The following MEAF6 variants were observed in gnomAD, a reference collection of about 807,000 sequenced individuals.
MEAF6 encodes the protein chromatin modification-related protein MEAF6.
Under a neutral mutation model 28.9 loss-of-function variants are expected in MEAF6, and 15 were observed. That is an observed-to-expected ratio of 0.52 (90% CI 0.35 to 0.80). The LOEUF (loss-of-function observed/expected upper bound fraction) is 0.80. Ranked by LOEUF, MEAF6 falls within the 30% of genes least tolerant of loss-of-function variation. The probability of loss-of-function intolerance (pLI) is 0.01; values close to 1 mark genes in which losing one functional copy is unlikely to be tolerated. For synonymous variants in MEAF6, 97 were observed against 88.7 expected (o/e 1.09, Z -0.53); for missense variants, 178 against 237.5 (o/e 0.75, Z 1.65).
intron 4 of MEAF6, among the ~76,000 whole-genome samples, chr1:37,505,383 G>A (rs1480864198): frequency 1.3e-5 from 2 of 152,158 alleles, no homozygotes; most frequent in Admixed American, 6.5e-5. Flanking sequence ...TCTAGAGCAA[G>A]CATGTCCCAC....
At chr1:37,509,937 T>A (rs1282372210) in intron 2 of MEAF6, among the ~76,000 whole-genome samples, 1 of 151,422 alleles carries the variant, frequency 6.6e-6, no homozygotes, top group South Asian at 2.1e-4. Context: ...CCACCATACC[T>A]GGCAAATTTT....
In MEAF6 at chr1:37,492,237, C is replaced by A. The variant is rs963386393; in HGVS notation, c.*1862G>T. ...TAGAGATGGGGTTTCACTGTGTTCG[C>A]CAGGATGGTCTCGATCTCCTGACCT... On this transcript the variant is annotated 3_prime_UTR_variant, in exon 7 of 7. Transcript: ENST00000296214. 3.9e-5 allele frequency among the ~76,000 whole-genome samples: 6 copies of A among 151,976 alleles called. No homozygotes were observed. The highest frequency in any genetic ancestry group is 7.4e-5 in the Non-Finnish European group (5 of 68,002).
intron 5 of MEAF6, chr1:37,496,691 T>C (rs754745960): frequency 1.3e-6 from 2 of 1,593,416 alleles, no homozygotes; most frequent in Non-Finnish European, 1.7e-6. Context: ...CAAATACTAA[T>C]TCAAATCAAA....
chr1:37,501,752 C>T (rs765397196), intron 5 of MEAF6, 52 bp downstream of exon 5: 1 of 1,431,930 alleles, frequency 7.0e-7, no homozygotes, highest in African/African-American at 1.4e-5. Context: ...TAGGCAATTC[C>T]CTTCACAGCA....
chr1:37,501,700 G>C (rs1021200688), intron 5 of MEAF6, 104 bp downstream of exon 5: 19 of 1,168,860 alleles, frequency 1.6e-5, no homozygotes, highest in Non-Finnish European at 2.1e-5. Context: ...CTTGCCATCA[G>C]CAACAGAAAG....
At chr1:37,496,670 T>C in intron 5 of MEAF6, 1 of 1,575,570 alleles carries the variant, frequency 6.3e-7, no homozygotes, top group Non-Finnish European at 8.7e-7. Flanking sequence ...GTCTACACAC[T>C]AAACACAGCA....
intron 1 of MEAF6, chr1:37,513,848 G>A (rs1284799936): frequency 1.3e-5 from 6 of 444,508 alleles, no homozygotes; most frequent in Non-Finnish European, 2.0e-5. Flanking sequence ...GCAGAACTTG[G>A]GCGATGTCCA....
chr1:37,511,489 A>G (rs1170776561), intron 2 of MEAF6, among the ~76,000 whole-genome samples: 1 of 152,230 alleles, frequency 6.6e-6, no homozygotes, highest in Non-Finnish European at 1.5e-5. Flanking sequence ...GTATATTCAT[A>G]ATGTCTCAAA....
At chr1:37,508,668 TTTTAAC>T (rs751621090) in intron 4 of MEAF6, among the ~76,000 whole-genome samples, 90 of 152,242 alleles carry the variant, frequency 5.9e-4, no homozygotes, top group Non-Finnish European at 1.1e-3. Context: ...AAAGTTATTG[TTTTAAC>T]TTTAATTCCC....
intron 4 of MEAF6, among the ~76,000 whole-genome samples, chr1:37,502,974 C>T (rs1642364187): frequency 6.6e-6 from 1 of 151,686 alleles, no homozygotes; most frequent in South Asian, 2.1e-4. Flanking sequence ...ACTCTGTCAC[C>T]CAGGCTAGAG....
At chr1:37,498,266 G>A (rs1201909622) in intron 5 of MEAF6, among the ~76,000 whole-genome samples, 2 of 151,880 alleles carry the variant, frequency 1.3e-5, no homozygotes, top group African/African-American at 4.8e-5. Flanking sequence ...ATGAAACTAG[G>A]AATTATCAAA....
At chr1:37,497,749 G>A (rs901966784) in intron 5 of MEAF6, among the ~76,000 whole-genome samples, 2 of 151,984 alleles carry the variant, frequency 1.3e-5, no homozygotes, top group Non-Finnish European at 2.9e-5. Flanking sequence ...CTGCCACTAG[G>A]TCCAGCTAAT....
intron 5 of MEAF6, chr1:37,496,754 A>G: frequency 1.3e-6 from 2 of 1,593,850 alleles, no homozygotes; most frequent in Non-Finnish European, 1.7e-6. Context: ...GCAGCATTTG[A>G]AAGGAAGAAA....
intron 2 of MEAF6, among the ~76,000 whole-genome samples, chr1:37,510,295 C>G (rs1326553640): frequency 6.6e-6 from 1 of 150,754 alleles, no homozygotes; most frequent in African/African-American, 2.4e-5. Context: ...ATTGGCCTGG[C>G]TGGTCTCGAA....
chr1:37,496,561 T>C (rs1642133951), intron 5 of MEAF6: 1 of 1,424,076 alleles, frequency 7.0e-7, no homozygotes, highest in Non-Finnish European at 9.3e-7. Flanking sequence ...ATCACGTTTT[T>C]CTGTTTTTAA....
intron 5 of MEAF6, chr1:37,496,566 T>G: frequency 5.6e-6 from 8 of 1,431,396 alleles, no homozygotes; most frequent in Non-Finnish European, 5.5e-6. Context: ...GTTTTTCTGT[T>G]TTTAAAAAAA....
At chr1:37,496,117 T>A (rs1442902028) in intron 5 of MEAF6, among the ~76,000 whole-genome samples, 199 bp from the exon 6 acceptor site, 1 of 152,246 alleles carries the variant, frequency 6.6e-6, no homozygotes, top group African/African-American at 2.4e-5. Context: ...CACACATTTT[T>A]GCCCTAAGGC....
intron 4 of MEAF6, among the ~76,000 whole-genome samples, chr1:37,505,536 T>C (rs774505480): frequency 2.0e-5 from 3 of 152,258 alleles, no homozygotes; most frequent in Non-Finnish European, 4.4e-5. Flanking sequence ...ATATTTTATG[T>C]GTGGCCCTAG....
In MEAF6 at chr1:37,494,045, C is replaced by G; in HGVS notation, c.*54G>C. ...TGAAGGATGTTTATCTTTGTGAGGTCAGAGAAGGGAAGCAGGGCTCTACAG... is the reference window on the plus strand; with the variant it reads ...TGAAGGATGTTTATCTTTGTGAGGTGAGAGAAGGGAAGCAGGGCTCTACAG... On this transcript the variant is annotated 3_prime_UTR_variant, in exon 7 of 7. Transcript: ENST00000296214. The G allele has an allele frequency of 6.2e-7, 1 of 1,603,006 alleles. No individual in the cohort carries two copies. Among genetic ancestry groups the G allele is most frequent in the Non-Finnish European group, 8.5e-7 (1 of 1,177,116 alleles).
Sources: gnomAD v4.1 joint callset for allele counts (sites outside exome capture counted in the v4.1 genomes callset) on GRCh38, gnomAD v4.1.1 for gene constraint, MANE v1.5 for transcripts, NCBI Gene and HGNC (gene_info 2026-07-23, HGNC 2026-07-21) for gene names.